Variants in DMD observed in about 807,000 individuals in gnomAD.
The protein encoded by DMD is dystrophin.
Under a neutral mutation model 330.1 loss-of-function variants are expected in DMD, and 63 were observed. That is an observed-to-expected ratio of 0.19 (90% CI 0.16 to 0.24). The LOEUF (loss-of-function observed/expected upper bound fraction) is 0.24, where lower values mean the gene tolerates loss of function less well. Among genes scored for constraint, DMD ranks in the 10% least tolerant of loss-of-function variants. DMD has a pLI of 1.00. For missense variants in DMD, 3,344 were observed against 2,684.1 expected, an observed-to-expected ratio of 1.25 and a Z score of -5.43; for synonymous variants, 1,223 against 959.8, an observed-to-expected ratio of 1.27 and a Z score of -5.07.
At chrX:32,962,385 C>T (rs2091935567) in intron 2 of DMD, among the ~76,000 whole-genome samples, 1 of 111,184 alleles carries the variant, frequency 9.0e-6, no homozygotes, top group African/African-American at 3.3e-5. Context: ...AGAGTGTGCC[C>T]TTTGTTTTAT....
At chrX:32,893,962 G>A (rs889074372) in intron 2 of DMD, among the ~76,000 whole-genome samples, 3 of 110,472 alleles carry the variant, frequency 2.7e-5, no homozygotes, top group Admixed American at 9.7e-5. Flanking sequence ...CTGGGTGGCC[G>A]GTGCCATTCC....
intron 54 of DMD, among the ~76,000 whole-genome samples, chrX:31,638,982 T>C (rs1045373979): frequency 8.9e-6 from 1 of 111,800 alleles, no homozygotes; most frequent in African/African-American, 3.2e-5. Context: ...TAGATTATAA[T>C]TGCAGTGATA....
intron 44 of DMD, among the ~76,000 whole-genome samples, chrX:32,000,765 T>C (rs762089703): frequency 8.9e-6 from 1 of 111,790 alleles, no homozygotes; most frequent in Non-Finnish European, 1.9e-5. Context: ...TTTAAATTAA[T>C]TGAAATTAAA....
chrX:32,032,503 T>C (rs749464966), intron 44 of DMD, among the ~76,000 whole-genome samples: 1 of 111,861 alleles, frequency 8.9e-6, no homozygotes, highest in African/African-American at 3.2e-5. Context: ...TTTTATTTTG[T>C]AAGAAGTAAC....
intron 41 of DMD, among the ~76,000 whole-genome samples, chrX:32,329,143 C>T (rs2097666620): frequency 8.9e-6 from 1 of 112,205 alleles, no homozygotes; most frequent in South Asian, 3.6e-4. Flanking sequence ...CTTCATCAAG[C>T]CTACATTCTA....
intron 52 of DMD, among the ~76,000 whole-genome samples, chrX:31,694,617 C>CATATAT (rs34933227): frequency 0.039 from 2,254 of 57,806 alleles, 37 homozygotes; most frequent in African/African-American, 0.054. Context: ...TGACAAACAG[C>CATATAT]ATATATATAT....
intron 7 of DMD, among the ~76,000 whole-genome samples, chrX:32,749,342 C>G (rs2070490534): frequency 9.0e-6 from 1 of 111,719 alleles, no homozygotes; most frequent in Admixed American, 9.5e-5. Flanking sequence ...TTCTGTCTCC[C>G]CAGCTAAATG....
At position 31,749,325 on chromosome X, in the gene DMD, G is replaced by C. The variant is rs369028884; in HGVS notation, c.7543-19577C>G. On this transcript the variant is annotated intron_variant, in intron 51 of 78. Coordinates refer to ENST00000357033, the MANE Select transcript of DMD (RefSeq NM_004006.3). Reference sequence around the variant, plus strand: ...CACCCCACAACAGTCCCCAGAGTGTGATGTTCCCCTTCCTGTGTCCATGTG... The same window carrying C: ...CACCCCACAACAGTCCCCAGAGTGTCATGTTCCCCTTCCTGTGTCCATGTG... Among the ~76,000 whole-genome samples, 4 of 81,355 alleles carry C rather than the reference G, an allele frequency of 4.9e-5. No individual in the cohort carries two copies. In the East Asian group the frequency reaches 1.2e-3, roughly 25 times the overall value. The allele number at this position is 81,355 out of a possible 115,157, so 70.6% of individuals were successfully genotyped here. A position where few individuals can be genotyped will look rare whatever the true frequency, so the allele number is the denominator to read the frequency against.
chrX:32,190,728 T>C (rs1352585842), intron 44 of DMD, among the ~76,000 whole-genome samples: 4 of 108,089 alleles, frequency 3.7e-5, no homozygotes, highest in African/African-American at 1.3e-4. Context: ...GGTTAGAACA[T>C]TCGAAATCTT....
At chrX:32,983,737 A>G (rs1432877248) in intron 2 of DMD, among the ~76,000 whole-genome samples, 1 of 111,799 alleles carries the variant, frequency 8.9e-6, no homozygotes, top group African/African-American at 3.2e-5. Flanking sequence ...CTGTATATGT[A>G]TCTACAATTA....
At chrX:33,002,850 G>GAAAAAA (rs145168802) in intron 2 of DMD, among the ~76,000 whole-genome samples, 27 of 38,676 alleles carry the variant, frequency 7.0e-4, no homozygotes, top group Non-Finnish European at 9.5e-4. Context: ...TTTTTTTCTC[G>GAAAAAA]AAAAAAAAAA....
chrX:33,096,515 A>T (rs4829276), intron 1 of DMD, among the ~76,000 whole-genome samples: 42,531 of 89,289 alleles, frequency 0.48, 8,682 homozygotes, highest in Non-Finnish European at 0.57. Flanking sequence ...TTTTTTTTTT[A>T]TTTTTTTGAG....
intron 51 of DMD, among the ~76,000 whole-genome samples, chrX:31,767,246 A>C (rs960628299): frequency 2.7e-5 from 3 of 111,970 alleles, no homozygotes; most frequent in Non-Finnish European, 5.6e-5. Context: ...TGATGAGATG[A>C]GAAGGGCTGG....
At position 31,996,733 on chromosome X, in the gene DMD, C is replaced by T. The variant is rs754624461; in HGVS notation, c.6439-28219G>A. ...TTGTAATATCCTCAGCCTTACGTAG[C>T]GTTGCAGGCATATAACCGGTCCAAA... On this transcript the variant is annotated intron_variant, in intron 44 of 78. Coordinates refer to ENST00000357033, the MANE Select transcript of DMD (RefSeq NM_004006.3). Among the ~76,000 whole-genome samples, 8 of 111,160 alleles carry T rather than the reference C, an allele frequency of 7.2e-5. 1 individual carries two copies. In the Middle Eastern group the frequency reaches 0.014, roughly 192 times the overall value.
intron 44 of DMD, among the ~76,000 whole-genome samples, chrX:32,176,819 C>T (rs1244755422): frequency 9.0e-6 from 1 of 111,314 alleles, no homozygotes; most frequent in Non-Finnish European, 1.9e-5. Context: ...GACTACCCAA[C>T]CCCTCACTTG....
chrX:32,376,083 C>A (rs2147400275), intron 34 of DMD, among the ~76,000 whole-genome samples: 1 of 110,969 alleles, frequency 9.0e-6, no homozygotes, highest in East Asian at 2.9e-4. Context: ...AGTTCGAGAC[C>A]AGCCTGACCA....
At chrX:33,279,349 T>G (rs911054285) in intron 1 of DMD, among the ~76,000 whole-genome samples, 4 of 111,279 alleles carry the variant, frequency 3.6e-5, no homozygotes, top group Non-Finnish European at 5.7e-5. Flanking sequence ...AAGCAGAGAT[T>G]GTTATTTTTT....
intron 1 of DMD, among the ~76,000 whole-genome samples, chrX:33,044,387 G>A (rs1603037643): frequency 9.0e-6 from 1 of 111,573 alleles, no homozygotes; most frequent in East Asian, 2.9e-4. Context: ...AGCTGAGATC[G>A]CACCACTGTA....
intron 2 of DMD, among the ~76,000 whole-genome samples, chrX:32,994,714 A>G (rs189935199): frequency 8.9e-6 from 1 of 112,167 alleles, no homozygotes; most frequent in Non-Finnish European, 1.9e-5. Context: ...AACATAAGTT[A>G]GTGAGGTGAT....
Sources: allele counts gnomAD v4.1 joint callset (sites outside exome capture counted in the v4.1 genomes callset), GRCh38; gene constraint gnomAD v4.1.1; transcripts MANE v1.5; gene names NCBI Gene and HGNC (gene_info 2026-07-23, HGNC 2026-07-21).